The following RNPEP variants were observed in gnomAD, a reference collection of about 807,000 sequenced individuals.
The protein encoded by RNPEP is aminopeptidase B.
RNPEP carries 57 observed loss-of-function variants against 70.1 expected under a neutral mutation model. The observed-to-expected ratio is 0.81, with a 90% CI of 0.66 to 1.01. The LOEUF is 1.01. Ranked by LOEUF, RNPEP falls within the 50% of genes least tolerant of loss-of-function variation. RNPEP has a pLI of 0.00. For missense variants in RNPEP, 787 were observed against 852.4 expected, an observed-to-expected ratio of 0.92 and a Z score of 0.96; for synonymous variants, 335 against 357.4, an observed-to-expected ratio of 0.94 and a Z score of 0.71.
intron 2 of RNPEP, 25 bp downstream of exon 2, chr1:201,989,069 C>G: frequency 6.2e-7 from 1 of 1,602,900 alleles, no homozygotes. Flanking sequence ...GTTAGGTGCA[C>G]CTGCCCTTGG....
intron 8 of RNPEP, 68 bp from the exon 9 acceptor site, chr1:202,003,169 G>A: frequency 2.6e-6 from 3 of 1,151,874 alleles, no homozygotes; most frequent in Non-Finnish European, 3.7e-6. Flanking sequence ...GTCTCTGGGA[G>A]TTGCTTAAAC....
At position 202,004,448 on chromosome 1, in the gene RNPEP, C is replaced by T. The variant is rs561328350; in HGVS notation, c.1746C>T (p.Asn582=). The T allele has an allele frequency of 2.5e-5, 41 of 1,614,130 alleles. 1 individual carries two copies. The Admixed American group carries it at 3.7e-4, about 14-fold the overall frequency. ...RLRWGQIVLK[N]DHQEDFWKVK... ...GATGGGGCCAAATCGTCCTTAAGAA[C>T]GACCACCAGGAAGATTTCTGGAAAG... is the stretch of plus-strand genomic sequence containing the variant. The change falls in exon 10 of 11, where the codon AAC becomes AAT. Residue 582 remains asparagine, a synonymous_variant. Transcript: ENST00000295640.
At chr1:201,988,055 G>A (rs796369832) in intron 1 of RNPEP, among the ~76,000 whole-genome samples, 14 of 151,770 alleles carry the variant, frequency 9.2e-5, no homozygotes, top group African/African-American at 2.9e-4. Flanking sequence ...CAGGAGACTC[G>A]CTTGAACCCA....
At chr1:201,988,394 GTTGCAGTGAGCCGAGA>G (rs1419238921) in intron 1 of RNPEP, among the ~76,000 whole-genome samples, 2 of 145,266 alleles carry the variant, frequency 1.4e-5, no homozygotes, top group African/African-American at 5.1e-5. Context: ...GGAGGTCGAG[GTTGCAGTGAGCCGAGA>G]TTGCACCACT....
Position 201,993,545 on chromosome 1 carries a change from C to T in RNPEP, c.738-2602C>T, listed in dbSNP as rs12075316. On this transcript the variant is annotated intron_variant, in intron 3 of 10. Transcript: ENST00000295640. ...GTGGGAGGTGGAGGTTGCAGTGAGC[C>T]GAGATTGCACTACTGCACTCCAGCC... Among the ~76,000 whole-genome samples, 751 of 151,190 alleles carry T rather than the reference C, an allele frequency of 5.0e-3. 6 individuals carry two copies. The highest frequency in any genetic ancestry group is 0.016 in the African/African-American group (654 of 41,058).
intron 1 of RNPEP, among the ~76,000 whole-genome samples, chr1:201,984,821 C>T (rs371900786): frequency 4.9e-5 from 6 of 121,958 alleles, no homozygotes; most frequent in South Asian, 2.5e-4. Flanking sequence ...GTATTTCTTT[C>T]TTTTTTTTTT....
At chr1:201,990,661 T>G (rs1302224783) in intron 3 of RNPEP, among the ~76,000 whole-genome samples, 1 of 152,210 alleles carries the variant, frequency 6.6e-6, no homozygotes, top group African/African-American at 2.4e-5. Flanking sequence ...ATCATGAGTC[T>G]TAGTTTCTGG....
chr1:201,999,748 C>G (rs1390465100), intron 5 of RNPEP, among the ~76,000 whole-genome samples, 154 bp from the exon 6 acceptor site: 4 of 152,102 alleles, frequency 2.6e-5, no homozygotes, highest in Non-Finnish European at 4.4e-5. Context: ...CCTATTTGCC[C>G]TGGGTCCCCA....
intron 3 of RNPEP, among the ~76,000 whole-genome samples, chr1:201,993,106 C>T (rs2102969661): frequency 1.3e-5 from 2 of 152,296 alleles, no homozygotes; most frequent in Admixed American, 1.3e-4. Flanking sequence ...AGTTTCCTGT[C>T]CTCCACTTAA....
chr1:201,992,700 C>T (rs917163708), intron 3 of RNPEP, among the ~76,000 whole-genome samples: 1 of 152,132 alleles, frequency 6.6e-6, no homozygotes, highest in Non-Finnish European at 1.5e-5. Flanking sequence ...GCCCACTTCC[C>T]GCTGCTATAA....
intron 5 of RNPEP, 26 bp from the exon 6 acceptor site, chr1:201,999,876 G>C (rs371813654): frequency 1.2e-5 from 19 of 1,588,614 alleles, no homozygotes; most frequent in Middle Eastern, 1.7e-4. Context: ...ACGTTTTCCC[G>C]AGGCTTACGT....
Position 202,004,338 on chromosome 1 carries a change from T to C in RNPEP, c.1652-16T>C. 1 of 1,613,834 alleles carries C rather than the reference T, an allele frequency of 6.2e-7. No individual in the cohort carries two copies. Among genetic ancestry groups the C allele is most frequent in the Admixed American group, 1.7e-5 (1 of 59,974 alleles). On this transcript the variant is annotated splice_polypyrimidine_tract_variant and intron_variant, in intron 9 of 10. Coordinates refer to ENST00000295640, the MANE Select transcript of RNPEP (RefSeq NM_020216.4). ...CCACCGTGACCAGCCACAAACCATT[T>C]CTTTCTCTTCTCCAGGGAATGTGAA...
At chr1:202,001,830 C>A in intron 8 of RNPEP, 63 bp downstream of exon 8, 1 of 1,087,168 alleles carries the variant, frequency 9.2e-7, no homozygotes, top group Non-Finnish European at 1.4e-6. Flanking sequence ...CTCATTGACA[C>A]TCGGAAAGAT....
chr1:201,988,235 G>A (rs759272376), intron 1 of RNPEP, among the ~76,000 whole-genome samples: 31 of 151,706 alleles, frequency 2.0e-4, no homozygotes, highest in Non-Finnish European at 3.4e-4. Context: ...TGAGGTGGGC[G>A]GGTTGCTTGA....
chr1:201,995,421 G>T (rs1683509998), intron 3 of RNPEP, among the ~76,000 whole-genome samples: 2 of 152,118 alleles, frequency 1.3e-5, no homozygotes, highest in African/African-American at 2.4e-5. Context: ...AGTGGCTCAT[G>T]CCTATAATCC....
rs755620954 is a variant in RNPEP at position 202,005,568 on chromosome 1, A to C, written c.1805A>C (p.Lys602Thr). ...KEFLHNQGKQ[K>T]YTLPLYHAMM... ...GTGTGTTTCTTGCAGGGGAAGCAGA[A>C]GTATACACTTCCGCTGTACCACGCA... Residue 602 changes from lysine to threonine, a missense_variant, in exon 11 of 11, where the codon AAG (lysine) becomes ACG (threonine). Physicochemically the swap from Lys to Thr is moderately conservative, Grantham distance 78 (BLOSUM62 -1). Coordinates refer to ENST00000295640, the MANE Select transcript of RNPEP (RefSeq NM_020216.4). 1.9e-6 allele frequency: 3 copies of C among 1,614,086 alleles called. No individual in the cohort carries two copies. Among genetic ancestry groups the C allele is most frequent in the African/African-American group, 2.7e-5 (2 of 74,926 alleles).
At chr1:201,988,706 G>A (rs1003340961) in intron 1 of RNPEP, among the ~76,000 whole-genome samples, 198 bp from the exon 2 acceptor site, 1 of 152,198 alleles carries the variant, frequency 6.6e-6, no homozygotes, top group Non-Finnish European at 1.5e-5. Flanking sequence ...GCCCTGTGAA[G>A]TGGATGTCAT....
chr1:201,991,859 C>T lies in RNPEP; in HGVS notation c.737+2328C>T, dbSNP rs189292742. Among the ~76,000 whole-genome samples, 209 of 152,226 alleles carry T rather than the reference C, an allele frequency of 1.4e-3. 3 individuals are homozygous for T. The highest frequency in any genetic ancestry group is 4.6e-3 in the African/African-American group (190 of 41,550). The stretch of plus-strand genomic sequence containing the variant: ...GGCTGAAGGACTGTGGTAATTTTGA[C>T]ATCCAAGGTGGTGGTAGAACAATTC... On this transcript the variant is annotated intron_variant, in intron 3 of 10. Coordinates refer to ENST00000295640, the MANE Select transcript of RNPEP (RefSeq NM_020216.4).
intron 8 of RNPEP, 129 bp from the exon 9 acceptor site, chr1:202,003,108 A>G: frequency 1.5e-6 from 1 of 646,108 alleles, no homozygotes; most frequent in Non-Finnish European, 2.7e-6. Flanking sequence ...ATGGGAAAGT[A>G]ATGTTAAATG....
Sources: gnomAD v4.1 joint callset for allele counts (sites outside exome capture counted in the v4.1 genomes callset) on GRCh38, gnomAD v4.1.1 for gene constraint, MANE v1.5 for transcripts, NCBI Gene and HGNC (gene_info 2026-07-23, HGNC 2026-07-21) for gene names.